Variants in FSHR observed in about 807,000 individuals in gnomAD.
FSHR encodes follicle stimulating hormone receptor.
In FSHR, 46 loss-of-function variants were observed where a neutral mutation model predicts 52.1. That is an observed-to-expected ratio of 0.88 (90% confidence interval 0.70 to 1.13). The LOEUF (loss-of-function observed/expected upper bound fraction) is 1.13, where lower values mean the gene tolerates loss of function less well. Among genes scored for constraint, FSHR ranks in the 50% most tolerant of loss-of-function variants. FSHR has a pLI of 0.00. For missense variants in FSHR, 964 were observed against 834.6 expected (o/e 1.16, Z -1.91); for synonymous variants, 399 against 309.6 (o/e 1.29, Z -3.03).
chr2:49,024,060 T>C (rs143892102), intron 2 of FSHR, among the ~76,000 whole-genome samples: 1 of 152,312 alleles, frequency 6.6e-6, no homozygotes, highest in East Asian at 1.9e-4. Flanking sequence ...TGTTCACCAT[T>C]ATAACTGATA....
At chr2:49,140,286 G>A (rs916391698) in intron 1 of FSHR, among the ~76,000 whole-genome samples, 17 of 151,960 alleles carry the variant, frequency 1.1e-4, no homozygotes, top group Non-Finnish European at 2.5e-4. Context: ...CTGGTCGTTT[G>A]AAAGTGTGTG....
At chr2:49,065,959 TATAAG>T (rs1193016590) in intron 2 of FSHR, among the ~76,000 whole-genome samples, 1 of 152,042 alleles carries the variant, frequency 6.6e-6, no homozygotes, top group Non-Finnish European at 1.5e-5. Flanking sequence ...AAAGACTACA[TATAAG>T]GTAAGTAGAA....
At chr2:49,125,585 G>T (rs534690568) in intron 1 of FSHR, among the ~76,000 whole-genome samples, 1 of 152,166 alleles carries the variant, frequency 6.6e-6, no homozygotes, top group Non-Finnish European at 1.5e-5. Context: ...GCACTGTCTC[G>T]CACACAGTAG....
At chr2:49,096,302 A>G (rs1476119031) in intron 1 of FSHR, among the ~76,000 whole-genome samples, 13 of 152,226 alleles carry the variant, frequency 8.5e-5, no homozygotes, top group Non-Finnish European at 1.9e-4. Context: ...GTCCTGATAA[A>G]TGATATAACA....
At chr2:49,138,429 T>C (rs1672560740) in intron 1 of FSHR, among the ~76,000 whole-genome samples, 1 of 152,178 alleles carries the variant, frequency 6.6e-6, no homozygotes. Context: ...TCATTCATCA[T>C]AGCCCAAAAG....
At chr2:49,069,257 C>T (rs6724851) in intron 1 of FSHR, among the ~76,000 whole-genome samples, 74,339 of 151,870 alleles carry the variant, frequency 0.49, 18,737 homozygotes, top group East Asian at 0.76. Context: ...AAAAATTCCT[C>T]GGACAAGCCA....
At chr2:49,141,438 G>A (rs1672683950) in intron 1 of FSHR, among the ~76,000 whole-genome samples, 1 of 152,044 alleles carries the variant, frequency 6.6e-6, no homozygotes, top group Admixed American at 6.6e-5. Context: ...ATCCCACGTG[G>A]CAGAGCAGGA....
chr2:49,098,606 A>G (rs1259424870), intron 1 of FSHR, among the ~76,000 whole-genome samples: 2 of 151,688 alleles, frequency 1.3e-5, no homozygotes, highest in Non-Finnish European at 2.9e-5. Context: ...CAGAGATTTG[A>G]TCTTGCTACT....
intron 1 of FSHR, among the ~76,000 whole-genome samples, chr2:49,073,426 G>T (rs1386984458): frequency 6.6e-6 from 1 of 151,912 alleles, no homozygotes; most frequent in African/African-American, 2.4e-5. Flanking sequence ...CTGGCTGAAA[G>T]AGAATTCAAG....
intron 1 of FSHR, among the ~76,000 whole-genome samples, chr2:49,109,490 T>C (rs975656959): frequency 6.6e-6 from 1 of 152,170 alleles, no homozygotes; most frequent in Non-Finnish European, 1.5e-5. Flanking sequence ...CAAAGTTGAA[T>C]GGTGAGAGAG....
At chr2:49,024,734 C>G (rs150324051) in intron 2 of FSHR, among the ~76,000 whole-genome samples, 1 of 152,266 alleles carries the variant, frequency 6.6e-6, no homozygotes, top group African/African-American at 2.4e-5. Flanking sequence ...TCCAATATAT[C>G]CAAAATATTT....
At chr2:49,105,703 T>A (rs1196482040) in intron 1 of FSHR, among the ~76,000 whole-genome samples, 1 of 152,168 alleles carries the variant, frequency 6.6e-6, no homozygotes, top group African/African-American at 2.4e-5. Flanking sequence ...AGCAGTGCTG[T>A]CTTTGTGAGC....
At chr2:48,977,297 G>A (rs572604839) in intron 8 of FSHR, among the ~76,000 whole-genome samples, 81 of 152,296 alleles carry the variant, frequency 5.3e-4, no homozygotes, top group African/African-American at 1.9e-3. Context: ...AGGGAACCAT[G>A]GGACGGGATT....
At chr2:49,136,696 G>A (rs1476775804) in intron 1 of FSHR, among the ~76,000 whole-genome samples, 2 of 151,914 alleles carry the variant, frequency 1.3e-5, no homozygotes, top group East Asian at 3.9e-4. Flanking sequence ...TCCAGGGGTG[G>A]CAAAGTTGGT....
intron 2 of FSHR, among the ~76,000 whole-genome samples, chr2:49,021,863 C>CTCTCTCTCTATATATATA (rs1467766420): frequency 6.0e-5 from 3 of 49,866 alleles, no homozygotes; most frequent in African/African-American, 1.6e-4. Context: ...CTCTCTCTCT[C>CTCTCTCTCTATATATATA]TATATATATA....
intron 2 of FSHR, among the ~76,000 whole-genome samples, chr2:49,021,884 T>TAGAGAGAG (rs1221533451): frequency 1.9e-4 from 7 of 36,566 alleles, no homozygotes; most frequent in Non-Finnish European, 2.6e-4. Flanking sequence ...TATATATATA[T>TAGAGAGAG]ATAGAGAGAG....
At chr2:49,103,378 C>T (rs1486668874) in intron 1 of FSHR, among the ~76,000 whole-genome samples, 2 of 152,166 alleles carry the variant, frequency 1.3e-5, no homozygotes, top group African/African-American at 4.8e-5. Context: ...ACAACACAGT[C>T]AGTCATAAGA....
chr2:49,051,888 G>T (rs1346790439), intron 2 of FSHR, among the ~76,000 whole-genome samples: 1 of 151,978 alleles, frequency 6.6e-6, no homozygotes, highest in Non-Finnish European at 1.5e-5. Flanking sequence ...TAAGGGTTGG[G>T]ATTTATTGTT....
At position 48,963,903 on chromosome 2, in the gene FSHR, CTGAGTCATA is replaced by C. The variant is rs1340905195; in HGVS notation, c.909_917del (p.Tyr303_Gln306delinsTer). 2 of 1,613,998 alleles carry C rather than the reference CTGAGTCATA, an allele frequency of 1.2e-6. No homozygotes were observed. Among genetic ancestry groups the C allele is most frequent in the Non-Finnish European group, 1.7e-6 (2 of 1,179,946 alleles). ...CCAGAGAGGATCTCTGACCCCTAGCCTGAGTCATATAATCAACTTCTTGCCTTAAAATAG... is the reference window on the plus strand; with the variant it reads ...CCAGAGAGGATCTCTGACCCCTAGCCTAATCAACTTCTTGCCTTAAAATAG... On this transcript the variant is annotated stop_gained and inframe_deletion, in exon 10 of 10. Coordinates refer to ENST00000406846, the MANE Select transcript of FSHR (RefSeq NM_000145.4). LOFTEE classifies it high-confidence loss of function.
Sources: gnomAD v4.1 joint callset for allele counts (sites outside exome capture counted in the v4.1 genomes callset) on GRCh38, gnomAD v4.1.1 for gene constraint, MANE v1.5 for transcripts, NCBI Gene and HGNC (gene_info 2026-07-23, HGNC 2026-07-21) for gene names.